Variants in ODR4 observed in about 807,000 individuals in gnomAD.
ODR4 encodes protein odr-4 homolog.
ODR4 carries 47 observed loss-of-function variants against 60.2 expected under a neutral mutation model. The ratio of observed to expected loss-of-function variants is 0.78; its 90% CI spans 0.62 to 1.00. ODR4 has a LOEUF of 1.00. Among genes scored for constraint, ODR4 ranks in the 50% least tolerant of loss-of-function variants. The probability of loss-of-function intolerance (pLI) is 0.00; values close to 1 mark genes in which losing one functional copy is unlikely to be tolerated. For missense variants in ODR4, 488 were observed against 530.8 expected (o/e 0.92, Z 0.79); for synonymous variants, 178 against 175.5 (o/e 1.01, Z -0.11).
At chr1:186,430,099 G>C in the ODR4 span, among the ~76,000 whole-genome samples, 2 of 151,868 alleles carry the variant, frequency 1.3e-5, no homozygotes, top group African/African-American at 4.8e-5. Context: ...AGATTTGTTA[G>C]ATTCAAATTG....
At chr1:186,402,778 A>G (rs1222623034) in intron 11 of ODR4, among the ~76,000 whole-genome samples, 2 of 152,122 alleles carry the variant, frequency 1.3e-5, no homozygotes, top group African/African-American at 2.4e-5. Flanking sequence ...ACCTTTTTGT[A>G]GAGATGGGGC....
chr1:186,381,829 C>T (rs929596958), intron 2 of ODR4, among the ~76,000 whole-genome samples: 8 of 152,096 alleles, frequency 5.3e-5, no homozygotes, highest in African/African-American at 1.9e-4. Flanking sequence ...AAAAGAGGAG[C>T]CTTCTTAACT....
rs765592466 is a variant in ODR4, at chr1:186,419,087, A to C, written c.*11A>C. On this transcript the variant is annotated 3_prime_UTR_variant, in exon 14 of 14. Transcript: ENST00000287859. ...TACTTCAGTGATTAGGGTGAGGCAC[A>C]AAGAGTTTCTTGATCATCCAGAGAA... is the stretch of plus-strand genomic sequence containing the variant. 3 of 1,604,294 alleles carry C rather than the reference A, an allele frequency of 1.9e-6. No homozygotes were observed. Among genetic ancestry groups the C allele is most frequent in the Non-Finnish European group, 2.6e-6 (3 of 1,173,526 alleles).
rs1661623601 is a variant in ODR4 at position 186,417,672 on chromosome 1, T to C, written c.1297+18T>C. On this transcript the variant is annotated intron_variant, in intron 13 of 13. Coordinates refer to ENST00000287859, the MANE Select transcript of ODR4 (RefSeq NM_017847.6). ...AAACATAGGTATTTAATTTTACTTCTTTTATAACACTGAAAACATATTTAG... is the reference window on the plus strand; with the variant it reads ...AAACATAGGTATTTAATTTTACTTCCTTTATAACACTGAAAACATATTTAG... 7 of 1,228,710 alleles carry C rather than the reference T, an allele frequency of 5.7e-6. No individual in the cohort carries two copies. Among genetic ancestry groups the C allele is most frequent in the South Asian group, 2.6e-5 (2 of 76,594 alleles). The allele number at this position is 1,228,710 out of a possible 1,614,324, so 76.1% of individuals were successfully genotyped here.
At chr1:186,391,379 C>CT (rs1398368285) in intron 7 of ODR4, among the ~76,000 whole-genome samples, 4 of 139,594 alleles carry the variant, frequency 2.9e-5, no homozygotes, top group Non-Finnish European at 3.1e-5. Context: ...TTATTTGATG[C>CT]TTTTTTCTCA....
chr1:186,383,505 C>T (rs1047707378), intron 3 of ODR4, among the ~76,000 whole-genome samples: 1 of 151,986 alleles, frequency 6.6e-6, no homozygotes, highest in Non-Finnish European at 1.5e-5. Flanking sequence ...TCAATAGGTG[C>T]AGCAAGCCAC....
chr1:186,395,440 T>C (rs1660635760), intron 9 of ODR4, among the ~76,000 whole-genome samples: 1 of 152,098 alleles, frequency 6.6e-6, no homozygotes, highest in Admixed American at 6.5e-5. Flanking sequence ...TGGTAGTCAC[T>C]CCACCGATCA....
chr1:186,384,281 G>A (rs1441616560), intron 3 of ODR4, among the ~76,000 whole-genome samples: 1 of 151,482 alleles, frequency 6.6e-6, no homozygotes. Flanking sequence ...AAGGGGTTGG[G>A]AGGTGCTAGG....
Position 186,386,184 on chromosome 1 carries a change from T to C in ODR4, c.330+101T>C, listed in dbSNP as rs551433981. The C allele has an allele frequency of 6.4e-6, 4 of 622,734 alleles. No individual in the cohort carries two copies. The East Asian group carries it at 1.0e-4, about 16-fold the overall frequency. 38.6% of individuals were successfully genotyped at this position (622,734 alleles called of 1,614,324 possible). A position where few individuals can be genotyped will look rare whatever the true frequency, so the allele number is the denominator to read the frequency against. On this transcript the variant is annotated intron_variant, in intron 4 of 13. Coordinates refer to ENST00000287859, the MANE Select transcript of ODR4 (RefSeq NM_017847.6). ...ATTCTAGGCATATTTACATTTGTTT[T>C]CCATAATTCTTTTTGTTGGGGTTAC...
intron 1 of ODR4, among the ~76,000 whole-genome samples, chr1:186,379,221 T>A (rs541839027): frequency 6.6e-6 from 1 of 152,002 alleles, no homozygotes; most frequent in African/African-American, 2.4e-5. Flanking sequence ...GGCGGGCGGA[T>A]CACCTGAGGT....
chr1:186,388,462 G>C lies in ODR4; in HGVS notation c.351G>C (p.Lys117Asn), dbSNP rs371718238. 1 of 1,558,620 alleles carries C rather than the reference G, an allele frequency of 6.4e-7. No individual in the cohort carries two copies. The highest frequency in any genetic ancestry group is 1.9e-5 in the Admixed American group (1 of 51,506). ...TTCAGCTAATGTTTGCTGTGGAAAA[G>C]TCTATAAATAGAAAGAGATTGTGGA... is the stretch of plus-strand genomic sequence containing the variant. ...ALRRLMFAVEKSINRKRLWNF... is the reference protein window; with the variant it reads ...ALRRLMFAVENSINRKRLWNF... The change falls in exon 5 of 14, where the codon AAG (lysine) becomes AAC (asparagine). Residue 117 changes from lysine to asparagine, a missense_variant. Lys to Asn is a moderately conservative substitution (Grantham distance 94). Coordinates refer to ENST00000287859, the MANE Select transcript of ODR4 (RefSeq NM_017847.6).
In ODR4 at chr1:186,379,830, T is replaced by C; in HGVS notation, c.45T>C (p.Leu15=). ...TAGAAGAGACTGTTGGCCAGTATCT[T>C]TCAAACATAAATCTCCAAGGAAAGG... The part of the protein sequence containing the change: ...YIVEETVGQY[L]SNINLQGKAF... The change falls in exon 2 of 14, where the codon CTT becomes CTC. Residue 15 remains leucine, a synonymous_variant. Transcript: ENST00000287859. 1 of 1,609,592 alleles carries C rather than the reference T, an allele frequency of 6.2e-7. No homozygotes were observed. Among genetic ancestry groups the C allele is most frequent in the Non-Finnish European group, 8.5e-7 (1 of 1,178,142 alleles).
Position 186,417,559 on chromosome 1 carries a change from C to A in ODR4, c.1202C>A (p.Ser401Tyr). The change falls in exon 13 of 14, where the codon TCT becomes TAT. Residue 401 changes from serine (S) to tyrosine (Y), a missense_variant. Coordinates refer to ENST00000287859, the MANE Select transcript of ODR4 (RefSeq NM_017847.6). ...ACCCTTTCAGCTTGTATGAGTTCTT[C>A]TATGAATAGTCAAGCTTCATTGGAC... ...EETNTACMSS[S>Y]MNSQASLDNT... is the part of the protein sequence containing the mutation. 6.3e-6 allele frequency: 10 copies of A among 1,584,272 alleles called. No homozygotes were observed. Among genetic ancestry groups the A allele is most frequent in the Non-Finnish European group, 8.6e-6 (10 of 1,160,074 alleles).
intron 2 of ODR4, among the ~76,000 whole-genome samples, chr1:186,380,514 T>A (rs114922814): frequency 1.7e-3 from 258 of 151,902 alleles, no homozygotes; most frequent in African/African-American, 6.1e-3. Context: ...TGCCACTGAT[T>A]TCTTATGAGT....
intron 12 of ODR4, among the ~76,000 whole-genome samples, chr1:186,410,993 C>T (rs931128776): frequency 6.8e-6 from 1 of 147,986 alleles, no homozygotes; most frequent in Non-Finnish European, 1.5e-5. Context: ...CCAGCCTGGG[C>T]AACAAGAGCA....
At chr1:186,430,754 C>G in the ODR4 span, among the ~76,000 whole-genome samples, 2 of 151,868 alleles carry the variant, frequency 1.3e-5, no homozygotes, top group African/African-American at 4.8e-5. Flanking sequence ...TCAGTTAATT[C>G]CTTTGATCTT....
Position 186,389,609 on chromosome 1 carries a change from T to C in ODR4, c.459T>C (p.Asp153=). The C allele has an allele frequency of 6.5e-7, 1 of 1,540,492 alleles. No individual in the cohort carries two copies. Among genetic ancestry groups the C allele is most frequent in the Non-Finnish European group, 8.8e-7 (1 of 1,135,008 alleles). ...GAAGAATATTTTGTCGAACTTATGA[T>C]ATCCATGATCCAAAGGTAAGAAATT... ...STKKIFCRTY[D]IHDPKSSARP... Residue 153 remains aspartate (D), a synonymous_variant, in exon 6 of 14, where the codon GAT becomes GAC. Coordinates refer to ENST00000287859, the MANE Select transcript of ODR4 (RefSeq NM_017847.6).
downstream of ODR4, among the ~76,000 whole-genome samples, chr1:186,426,113 T>C (rs138309807): frequency 6.6e-6 from 1 of 152,314 alleles, no homozygotes; most frequent in African/African-American, 2.4e-5. Context: ...CTTTCTGTTT[T>C]CTCATTGATC....
At chr1:186,400,233 G>A (rs1408304313) in intron 11 of ODR4, among the ~76,000 whole-genome samples, 16 of 150,304 alleles carry the variant, frequency 1.1e-4, no homozygotes, top group Admixed American at 3.3e-4. Flanking sequence ...CTCGTGATCC[G>A]CCCGTCTCGG....
Sources: allele counts gnomAD v4.1 joint callset (sites outside exome capture counted in the v4.1 genomes callset), GRCh38; gene constraint gnomAD v4.1.1; transcripts MANE v1.5; gene names NCBI Gene and HGNC (gene_info 2026-07-23, HGNC 2026-07-21).